The following ZNF90 variants were observed in gnomAD, a reference collection of about 807,000 sequenced individuals.
The protein encoded by ZNF90 is zinc finger protein 90.
ZNF90 carries 11 observed loss-of-function variants against 12.0 expected under a neutral mutation model. The observed-to-expected ratio is 0.92, with a 90% confidence interval of 0.58 to 1.52. The LOEUF (loss-of-function observed/expected upper bound fraction) is 1.52, where lower values mean the gene tolerates loss of function less well. Ranked by LOEUF, ZNF90 falls within the 40% of genes most tolerant of loss-of-function variation. ZNF90 has a pLI of 0.00. For synonymous variants in ZNF90, 232 were observed against 240.1 expected, an observed-to-expected ratio of 0.97 and a Z score of 0.31; for missense variants, 765 against 711.5, an observed-to-expected ratio of 1.08 and a Z score of -0.86.
Position 20,119,249 on chromosome 19 carries a change from C to T in ZNF90, c.1695C>T (p.Tyr565=), listed in dbSNP as rs1555706301. ...HKISHTGEKP[Y]KCEECGKAFN... Reference sequence around the variant, plus strand: ...TAAGTCATACTGGAGAGAAACCCTACAAATGTGAAGAATGTGGCAAAGCTT... The same window carrying T: ...TAAGTCATACTGGAGAGAAACCCTATAAATGTGAAGAATGTGGCAAAGCTT... Residue 565 remains tyrosine, a synonymous_variant, in exon 4 of 4, where the codon TAC becomes TAT. Coordinates refer to ENST00000418063, the MANE Select transcript of ZNF90 (RefSeq NM_007138.2). 1.9e-6 allele frequency: 3 copies of T among 1,613,800 alleles called. No individual in the cohort carries two copies. The highest frequency in any genetic ancestry group is 2.2e-5 in the East Asian group (1 of 44,894).
intron 1 of ZNF90, among the ~76,000 whole-genome samples, chr19:20,090,267 G>A (rs150393179): frequency 0.015 from 2,264 of 152,220 alleles, 53 homozygotes; most frequent in African/African-American, 0.052. Flanking sequence ...GGGTGACTTC[G>A]TAAAGCCCTG....
At position 20,104,775 on chromosome 19, in the gene ZNF90, G is replaced by A. The variant is rs150795713; in HGVS notation, c.130+410G>A. 2.1e-3 allele frequency among the ~76,000 whole-genome samples: 313 copies of A among 152,246 alleles called. 4 individuals carry two copies. The highest frequency in any genetic ancestry group is 6.9e-3 in the African/African-American group (287 of 41,538). On this transcript the variant is annotated intron_variant, in intron 2 of 3. Coordinates refer to ENST00000418063, the MANE Select transcript of ZNF90 (RefSeq NM_007138.2). Reference sequence around the variant, plus strand: ...TTTGGGAGGCTGAGGTGGGCAGGTCGCCTGAGGTCAGCAGTTTGAGACTAG... The same window carrying A: ...TTTGGGAGGCTGAGGTGGGCAGGTCACCTGAGGTCAGCAGTTTGAGACTAG...
Position 20,118,912 on chromosome 19 carries a change from A to G in ZNF90, c.1358A>G (p.Tyr453Cys), listed in dbSNP as rs564948932. The G allele has an allele frequency of 3.9e-5, 63 of 1,613,290 alleles. 2 individuals carry two copies. Among genetic ancestry groups the G allele is most frequent in the Admixed American group, 1.0e-4 (6 of 59,860 alleles). Reference sequence around the variant, plus strand: ...ATAATTCATAGTGGAGAGAAACCCTACAAATGTGAAGAATGTGGCAAAGCC... The same window carrying G: ...ATAATTCATAGTGGAGAGAAACCCTGCAAATGTGAAGAATGTGGCAAAGCC... ...HKIIHSGEKPYKCEECGKAFK... is the reference protein window; with the variant it reads ...HKIIHSGEKPCKCEECGKAFK... The change falls in exon 4 of 4, where the codon TAC becomes TGC. Residue 453 changes from tyrosine (Y) to cysteine (C), a missense_variant. Transcript: ENST00000418063.
chr19:20,080,774 G>A (rs1337686327), intron 1 of ZNF90, among the ~76,000 whole-genome samples: 2 of 152,218 alleles, frequency 1.3e-5, no homozygotes, highest in Non-Finnish European at 2.9e-5. Flanking sequence ...GGACAATGTT[G>A]TGGGACTGAG....
rs992765314 is a variant in ZNF90 at position 20,082,384 on chromosome 19, A to C, written c.3+4249A>C. On this transcript the variant is annotated intron_variant, in intron 1 of 3. Coordinates refer to ENST00000418063, the MANE Select transcript of ZNF90 (RefSeq NM_007138.2). ...TCAGACTGTTACTGTGTCTATGTAG[A>C]AAGAAGTAGACATAAGAGACTCCAT... Among the ~76,000 whole-genome samples, 142 of 152,304 alleles carry C rather than the reference A, an allele frequency of 9.3e-4. 1 individual carries two copies. The highest frequency in any genetic ancestry group is 3.4e-3 in the African/African-American group (142 of 41,562).
chr19:20,109,331 ATT>A (rs1214205792), intron 3 of ZNF90, among the ~76,000 whole-genome samples: 2 of 152,072 alleles, frequency 1.3e-5, no homozygotes, highest in African/African-American at 4.8e-5. Flanking sequence ...AATTTTAGAT[ATT>A]TTTTCTTAGC....
At chr19:20,117,397 C>CTCCTTCCTTCCTTCAT (rs2089148501) in intron 3 of ZNF90, among the ~76,000 whole-genome samples, 1 of 91,346 alleles carries the variant, frequency 1.1e-5, no homozygotes. Context: ...CTTTTCTTTT[C>CTCCTTCCTTCCTTCAT]TCCTTCCTTC....
intron 1 of ZNF90, among the ~76,000 whole-genome samples, chr19:20,085,074 T>C (rs2088848096): frequency 6.6e-6 from 1 of 152,166 alleles, no homozygotes. Context: ...TTTTTTAATT[T>C]ATCTTCAGTT....
At chr19:20,095,466 G>A (rs1366894796) in intron 1 of ZNF90, among the ~76,000 whole-genome samples, 1 of 151,972 alleles carries the variant, frequency 6.6e-6, no homozygotes, top group Non-Finnish European at 1.5e-5. Flanking sequence ...AGGGTGGAAG[G>A]TTGCCCATAG....
At position 20,120,661 on chromosome 19, in the gene ZNF90, GAT is replaced by G. The variant is rs2089187347; in HGVS notation, c.*1303_*1304del. On this transcript the variant is annotated 3_prime_UTR_variant, in exon 4 of 4. Coordinates refer to ENST00000418063, the MANE Select transcript of ZNF90 (RefSeq NM_007138.2). ...AGAATTTACAGTAGAATAAGGCACTGATACTTCAGACATTACACTAAAACAGT... is the reference window on the plus strand; with the variant it reads ...AGAATTTACAGTAGAATAAGGCACTGACTTCAGACATTACACTAAAACAGT... 6.6e-6 allele frequency among the ~76,000 whole-genome samples: 1 copy of G among 152,130 alleles called. No individual in the cohort carries two copies. Among genetic ancestry groups the G allele is most frequent in the African/African-American group, 2.4e-5 (1 of 41,430 alleles).
At position 20,117,805 on chromosome 19, in the gene ZNF90, A is replaced by G; in HGVS notation, c.251A>G (p.Asp84Gly). The change falls in exon 4 of 4, where the codon GAC becomes GGC. Residue 84 changes from aspartate to glycine, a missense_variant. Asp to Gly is a moderately conservative substitution (Grantham distance 94). Transcript: ENST00000418063. ...SPVMCFHFAQDLCPEQSLKDS... is the reference protein window; with the variant it reads ...SPVMCFHFAQGLCPEQSLKDS... Reference sequence around the variant, plus strand: ...GTTATGTGTTTTCATTTTGCCCAAGACCTTTGTCCAGAGCAGAGCCTAAAA... The same window carrying G: ...GTTATGTGTTTTCATTTTGCCCAAGGCCTTTGTCCAGAGCAGAGCCTAAAA... 6.5e-7 allele frequency: 1 copy of G among 1,545,218 alleles called. No individual in the cohort carries two copies. Among genetic ancestry groups the G allele is most frequent in the Non-Finnish European group, 8.7e-7 (1 of 1,151,988 alleles).
chr19:20,114,811 G>A (rs975089119), intron 3 of ZNF90, among the ~76,000 whole-genome samples: 1 of 151,240 alleles, frequency 6.6e-6, no homozygotes, highest in South Asian at 2.1e-4. Context: ...CTGCCTTCTA[G>A]TCCCCTGTTC....
At position 20,117,930 on chromosome 19, in the gene ZNF90, C is replaced by T. The variant is rs1404905438; in HGVS notation, c.376C>T (p.His126Tyr). ...TGAAAGTGTGGATGAGGGTAAAGTA[C>T]ACAAAAGAGGTTATAATGGACTTAA... Reference protein sequence around the residue: ...GCESVDEGKVHKRGYNGLNQC... With the variant: ...GCESVDEGKVYKRGYNGLNQC... The change falls in exon 4 of 4, where the codon CAC becomes TAC. Residue 126 changes from histidine (H) to tyrosine (Y), a missense_variant. Physicochemically the swap from His to Tyr is moderately conservative, Grantham distance 83. Transcript: ENST00000418063. The T allele has an allele frequency of 1.2e-6, 2 of 1,613,248 alleles. No homozygotes were observed. The highest frequency in any genetic ancestry group is 1.3e-5 in the African/African-American group (1 of 74,854).
Position 20,118,634 on chromosome 19 carries a change from G to T in ZNF90, c.1080G>T (p.Lys360Asn), listed in dbSNP as rs1225898032. 2 of 1,611,940 alleles carry T rather than the reference G, an allele frequency of 1.2e-6. No individual in the cohort carries two copies. The highest frequency in any genetic ancestry group is 2.7e-5 in the African/African-American group (2 of 74,758). Residue 360 changes from lysine to asparagine, a missense_variant, in exon 4 of 4, where the codon AAG becomes AAT. Lys to Asn is a moderately conservative substitution (Grantham distance 94, BLOSUM62 0). Transcript: ENST00000418063. ...FRRSLVLRTHKRIHTGEKPYK... is the reference protein window; with the variant it reads ...FRRSLVLRTHNRIHTGEKPYK... The stretch of plus-strand genomic sequence containing the variant: ...GCTCCTTAGTCCTTCGTACACATAA[G>T]AGAATTCATACTGGAGAGAAACCCT...
intron 3 of ZNF90, among the ~76,000 whole-genome samples, chr19:20,115,867 G>A (rs1396292941): frequency 6.6e-6 from 1 of 151,884 alleles, no homozygotes; most frequent in African/African-American, 2.4e-5. Flanking sequence ...ATATTATTAT[G>A]TTTTATTTAT....
intron 3 of ZNF90, among the ~76,000 whole-genome samples, chr19:20,110,118 C>G (rs1421384563): frequency 6.6e-6 from 1 of 152,002 alleles, no homozygotes; most frequent in Admixed American, 6.6e-5. Context: ...CAAGATTGTT[C>G]TTTTTAAGGT....
At chr19:20,096,318 G>A (rs577948794) in intron 1 of ZNF90, among the ~76,000 whole-genome samples, 1 of 152,276 alleles carries the variant, frequency 6.6e-6, no homozygotes, top group Non-Finnish European at 1.5e-5. Context: ...CCCCTGATCC[G>A]AATCATGGCA....
intron 1 of ZNF90, among the ~76,000 whole-genome samples, chr19:20,094,258 G>A (rs563692275): frequency 6.6e-6 from 1 of 152,326 alleles, no homozygotes; most frequent in Admixed American, 6.5e-5. Context: ...TGTGCACCTT[G>A]AAGGTGAGGT....
At chr19:20,090,014 GT>G (rs1207502629) in intron 1 of ZNF90, among the ~76,000 whole-genome samples, 2 of 152,160 alleles carry the variant, frequency 1.3e-5, no homozygotes, top group African/African-American at 4.8e-5. Flanking sequence ...CTTCATCAGG[GT>G]TGGAAGTATT....
Sources: gnomAD v4.1 joint callset for allele counts (sites outside exome capture counted in the v4.1 genomes callset) on GRCh38, gnomAD v4.1.1 for gene constraint, MANE v1.5 for transcripts, NCBI Gene and HGNC (gene_info 2026-07-23, HGNC 2026-07-21) for gene names.